The following GBE1 variants were observed in gnomAD, a reference collection of about 807,000 sequenced individuals.
GBE1 encodes the protein 1,4-alpha-glucan branching enzyme 1.
Under a neutral mutation model 88.8 loss-of-function variants are expected in GBE1, and 70 were observed. The ratio of observed to expected loss-of-function variants is 0.79; its 90% confidence interval spans 0.65 to 0.96. The LOEUF (loss-of-function observed/expected upper bound fraction) is 0.96, where lower values mean the gene tolerates loss of function less well. GBE1 is among the 40% of genes least tolerant of loss of function. GBE1 has a pLI of 0.00. For missense variants in GBE1, 872 were observed against 871.0 expected, an observed-to-expected ratio of 1.00 and a Z score of -0.01; for synonymous variants, 284 against 300.1, an observed-to-expected ratio of 0.95 and a Z score of 0.56.
intron 1 of GBE1, among the ~76,000 whole-genome samples, chr3:81,736,634 T>C (rs1196168198): frequency 6.6e-6 from 1 of 152,146 alleles, no homozygotes; most frequent in African/African-American, 2.4e-5. Flanking sequence ...GAGAGGTAAA[T>C]GTACAGTTAA....
At chr3:81,675,334 A>T (rs1705238347) in intron 2 of GBE1, among the ~76,000 whole-genome samples, 1 of 152,056 alleles carries the variant, frequency 6.6e-6, no homozygotes, top group Admixed American at 6.6e-5. Flanking sequence ...GAAATATAGG[A>T]TTTAAGATTT....
At position 81,760,588 on chromosome 3, in the gene GBE1, AACG is replaced by A. The variant is rs1158713165; in HGVS notation, c.143+784_143+786del. Reference sequence around the variant, plus strand: ...TAATAGCTCTTTTACTTCAAACAACAACGACAACAGAAAAAGACCTGTACCTTT... The same window carrying A: ...TAATAGCTCTTTTACTTCAAACAACAACAACAGAAAAAGACCTGTACCTTT... On this transcript the variant is annotated intron_variant, in intron 1 of 15. Transcript: ENST00000429644. Among the ~76,000 whole-genome samples the A allele has an allele frequency of 9.8e-5, 15 of 152,340 alleles. No homozygotes were observed. The South Asian group carries it at 2.3e-3, about 23-fold the overall frequency.
chr3:81,573,106 A>G (rs1703597048), intron 12 of GBE1, among the ~76,000 whole-genome samples: 1 of 152,170 alleles, frequency 6.6e-6, no homozygotes, highest in Admixed American at 6.5e-5. Context: ...AAAATAAACC[A>G]TAATGTCACA....
chr3:81,533,634 G>A (rs1011798718), intron 14 of GBE1, among the ~76,000 whole-genome samples: 9 of 152,006 alleles, frequency 5.9e-5, no homozygotes, highest in Admixed American at 5.9e-4. Context: ...CTTCATCAAG[G>A]GATGTCTTCC....
intron 1 of GBE1, among the ~76,000 whole-genome samples, chr3:81,726,155 A>T (rs1423904340): frequency 6.6e-6 from 1 of 151,996 alleles, no homozygotes; most frequent in Non-Finnish European, 1.5e-5. Flanking sequence ...TTTTCATAAG[A>T]TCATATTTCT....
chr3:81,737,329 ATTTTT>A (rs1706272933), intron 1 of GBE1, among the ~76,000 whole-genome samples: 1 of 71,382 alleles, frequency 1.4e-5, no homozygotes, highest in East Asian at 4.4e-4. Flanking sequence ...ATTTATATAT[ATTTTT>A]ATATATATTT....
intron 3 of GBE1, among the ~76,000 whole-genome samples, chr3:81,667,287 A>G (rs1037986490): frequency 1.6e-4 from 25 of 152,138 alleles, no homozygotes; most frequent in Admixed American, 1.3e-4. Context: ...ATTTTCGCAC[A>G]TTGATTTTGT....
chr3:81,612,899 G>A, intron 7 of GBE1: 1 of 396,156 alleles, frequency 2.5e-6, no homozygotes, highest in Non-Finnish European at 4.8e-6. Context: ...AGTACTACTT[G>A]GTTCCTGATA....
At chr3:81,669,760 G>A (rs552043878) in intron 3 of GBE1, among the ~76,000 whole-genome samples, 1 of 152,088 alleles carries the variant, frequency 6.6e-6, no homozygotes, top group African/African-American at 2.4e-5. Flanking sequence ...TTTCACTATA[G>A]ATTAAAAGGA....
At position 81,591,105 on chromosome 3, in the gene GBE1, A is replaced by T. The variant is rs199821084; in HGVS notation, c.1168T>A (p.Leu390Met). 95 of 1,608,966 alleles carry T rather than the reference A, an allele frequency of 5.9e-5. No homozygotes were observed. The highest frequency in any genetic ancestry group is 1.2e-4 in the Admixed American group (7 of 59,458). The change falls in exon 9 of 16, where the codon TTG becomes ATG. Residue 390 changes from leucine (L) to methionine (M), a missense_variant. Transcript: ENST00000429644. ...TGATTTGCCAACATGAGGTAAGTCA[A>T]GGCATCTTCATCTACTTGTAGTCCG... ...YFGLQVDEDA[L>M]TYLMLANHLV...
chr3:81,636,982 G>C (rs1704601348), intron 7 of GBE1, among the ~76,000 whole-genome samples: 1 of 152,120 alleles, frequency 6.6e-6, no homozygotes, highest in South Asian at 2.1e-4. Flanking sequence ...AGGAGATACA[G>C]TCCAAGACTG....
chr3:81,499,262 G>A, intron 14 of GBE1, 35 bp from the exon 15 acceptor site: 1 of 1,227,222 alleles, frequency 8.1e-7, no homozygotes, highest in Non-Finnish European at 1.2e-6. Flanking sequence ...CAGTTGAGGA[G>A]TTGAATGAGA....
chr3:81,678,795 A>C (rs1198561423), intron 2 of GBE1, among the ~76,000 whole-genome samples: 1 of 152,186 alleles, frequency 6.6e-6, no homozygotes, highest in African/African-American at 2.4e-5. Flanking sequence ...AAATAAGAAA[A>C]GCCCTTAAAA....
rs139561790 is a variant in GBE1 at position 81,544,778 on chromosome 3, TA to T, written c.1619-7684del. On this transcript the variant is annotated intron_variant, in intron 12 of 15. Transcript: ENST00000429644. ...TAATTAATTTTTTTGCTGTTTGATG[TA>T]AAGGTCCAAACTATAACTTGACAAG... is the stretch of plus-strand genomic sequence containing the variant. 4.5e-3 allele frequency among the ~76,000 whole-genome samples: 678 copies of T among 152,256 alleles called. 3 individuals carry two copies. Among genetic ancestry groups the T allele is most frequent in the African/African-American group, 0.016 (646 of 41,556 alleles).
At chr3:81,582,998 C>A (rs1703755664) in intron 10 of GBE1, among the ~76,000 whole-genome samples, 1 of 151,918 alleles carries the variant, frequency 6.6e-6, no homozygotes, top group Non-Finnish European at 1.5e-5. Flanking sequence ...GAAGTTGAAT[C>A]TAAAATATAT....
chr3:81,504,633 A>G (rs185668056), intron 14 of GBE1, among the ~76,000 whole-genome samples: 12 of 152,316 alleles, frequency 7.9e-5, no homozygotes, highest in Admixed American at 4.6e-4. Flanking sequence ...AGGTTGAAGT[A>G]GATAAGTTTT....
At chr3:81,581,589 T>C (rs1703732334) in intron 10 of GBE1, among the ~76,000 whole-genome samples, 1 of 152,104 alleles carries the variant, frequency 6.6e-6, no homozygotes, top group African/African-American at 2.4e-5. Context: ...TCTTGATTAA[T>C]GCCCACAGTA....
intron 7 of GBE1, among the ~76,000 whole-genome samples, chr3:81,611,728 G>A (rs1008884780): frequency 6.6e-6 from 1 of 152,134 alleles, no homozygotes; most frequent in Non-Finnish European, 1.5e-5. Flanking sequence ...TTTTTAGGAT[G>A]AGAATTGTCT....
intron 2 of GBE1, among the ~76,000 whole-genome samples, chr3:81,694,925 A>C (rs947473362): frequency 9.9e-5 from 15 of 152,132 alleles, no homozygotes; most frequent in Non-Finnish European, 1.9e-4. Flanking sequence ...ATGCTAAATG[A>C]CACTCCCATC....
Sources: allele counts gnomAD v4.1 joint callset (sites outside exome capture counted in the v4.1 genomes callset), GRCh38; gene constraint gnomAD v4.1.1; transcripts MANE v1.5; gene names NCBI Gene and HGNC (gene_info 2026-07-23, HGNC 2026-07-21).